GPLD1: variants seen among roughly 807,000 people sequenced by gnomAD.
GPLD1 encodes the protein phosphatidylinositol-glycan-specific phospholipase D.
A neutral mutation model predicts 112.6 loss-of-function variants in GPLD1; 84 were observed. The observed-to-expected ratio is 0.75, with a 90% CI of 0.63 to 0.89. The LOEUF is 0.89. Ranked by LOEUF, GPLD1 falls within the 40% of genes least tolerant of loss-of-function variation. The probability of loss-of-function intolerance (pLI) is 0.00; values close to 1 mark genes in which losing one functional copy is unlikely to be tolerated. For synonymous variants in GPLD1, 386 were observed against 403.8 expected (o/e 0.96, Z 0.53); for missense variants, 1,044 against 1,051.5 (o/e 0.99, Z 0.10).
chr6:24,449,944 C>T lies in GPLD1; in HGVS notation c.1336-45G>A, dbSNP rs111600278. 8,062 of 1,387,130 alleles carry T rather than the reference C, an allele frequency of 5.8e-3. 331 individuals carry two copies. In the African/African-American group the frequency reaches 0.093, roughly 16 times the overall value. The allele number at this position is 1,387,130 out of a possible 1,614,324, so 85.9% of individuals were successfully genotyped here. A position where few individuals can be genotyped will look rare whatever the true frequency, so the allele number is the denominator to read the frequency against. ...CTTCCCCTGGGCTGAGCCACGGCCT[C>T]GGAAAGAGCACTCCTGACCCCCAGG... On this transcript the variant is annotated intron_variant, in intron 14 of 24. Coordinates refer to ENST00000230036, the MANE Select transcript of GPLD1 (RefSeq NM_001503.4).
chr6:24,476,143 G>T, intron 4 of GPLD1, 38 bp downstream of exon 4: 1 of 1,114,634 alleles, frequency 9.0e-7, no homozygotes, highest in Non-Finnish European at 1.3e-6. Flanking sequence ...TGGCAGGTTT[G>T]GTGCTAAATA....
intron 16 of GPLD1, 25 bp downstream of exon 16, chr6:24,448,109 C>T: frequency 6.2e-7 from 1 of 1,610,848 alleles, no homozygotes; most frequent in Non-Finnish European, 8.5e-7. Context: ...TAGGTTTCTG[C>T]ACCTGGCTAA....
At chr6:24,474,169 CCACATACA>C (rs1561852479) in intron 5 of GPLD1, among the ~76,000 whole-genome samples, 3 of 74,164 alleles carry the variant, frequency 4.0e-5, no homozygotes, top group African/African-American at 7.8e-5. Flanking sequence ...AAAACCACAC[CCACATACA>C]CACACACACA....
intron 1 of GPLD1, among the ~76,000 whole-genome samples, chr6:24,486,728 G>C (rs1039428719): frequency 1.3e-5 from 2 of 152,038 alleles, no homozygotes; most frequent in Non-Finnish European, 2.9e-5. Flanking sequence ...TGAGGCAGGG[G>C]AATCACTTGA....
chr6:24,465,726 T>G (rs1177074155), intron 10 of GPLD1, among the ~76,000 whole-genome samples: 2 of 150,626 alleles, frequency 1.3e-5, no homozygotes, highest in East Asian at 1.9e-4. Context: ...GCTGAGTTTC[T>G]GATTAATTCT....
chr6:24,489,263 A>C, intron 1 of GPLD1, 152 bp downstream of exon 1: 1 of 607,864 alleles, frequency 1.6e-6, no homozygotes, highest in Non-Finnish European at 2.9e-6. Flanking sequence ...GGATGACTGC[A>C]ATCACCGGCT....
chr6:24,475,314 T>C, intron 4 of GPLD1, 83 bp from the exon 5 acceptor site: 2 of 786,260 alleles, frequency 2.5e-6, no homozygotes, highest in Non-Finnish European at 4.4e-6. Flanking sequence ...TAAATATAAA[T>C]TCATTTATGT....
chr6:24,460,388 T>C lies in GPLD1; in HGVS notation c.899A>G (p.Gln300Arg). The C allele has an allele frequency of 6.2e-7, 1 of 1,613,856 alleles. No homozygotes were observed. The highest frequency in any genetic ancestry group is 8.5e-7 in the Non-Finnish European group (1 of 1,179,894). Residue 300 changes from glutamine (Q) to arginine (R), a missense_variant, in exon 12 of 25, where the codon CAG (glutamine) becomes CGG (arginine). Gln to Arg is a conservative substitution (Grantham distance 43). Coordinates refer to ENST00000230036, the MANE Select transcript of GPLD1 (RefSeq NM_001503.4). Reference sequence around the variant, plus strand: ...CAAATTTCTGTGAAAATCATTTTTCTGCATTTTTGAGCTGTTGAAGAGAAA... The same window carrying C: ...CAAATTTCTGTGAAAATCATTTTTCCGCATTTTTGAGCTGTTGAAGAGAAA... ...QQNHTQGSKMQKNDFHRNLTT... is the reference protein window; with the variant it reads ...QQNHTQGSKMRKNDFHRNLTT...
In GPLD1 at chr6:24,480,860, C is replaced by T. The variant is rs116298893; in HGVS notation, c.154-901G>A. 2.5e-3 allele frequency among the ~76,000 whole-genome samples: 386 copies of T among 152,310 alleles called. 3 individuals carry two copies. The highest frequency in any genetic ancestry group is 8.5e-3 in the African/African-American group (353 of 41,562). On this transcript the variant is annotated intron_variant, in intron 2 of 24. Coordinates refer to ENST00000230036, the MANE Select transcript of GPLD1 (RefSeq NM_001503.4). ...ACAGTCTGATATGGCCCAGCCTCCA[C>T]CACGGAGCCCTCGGCTAACATGGAA... is the stretch of plus-strand genomic sequence containing the variant.
intron 24 of GPLD1, among the ~76,000 whole-genome samples, 195 bp from the exon 25 acceptor site, chr6:24,429,313 G>T (rs527881073): frequency 1.3e-5 from 2 of 152,172 alleles, no homozygotes; most frequent in African/African-American, 4.8e-5. Flanking sequence ...TCTGAAAACC[G>T]CAGCTAAGGA....
At chr6:24,455,533 G>A (rs1049167973) in intron 13 of GPLD1, among the ~76,000 whole-genome samples, 3 of 152,052 alleles carry the variant, frequency 2.0e-5, no homozygotes, top group African/African-American at 7.2e-5. Context: ...TTGTTGTTTT[G>A]TTTTATTTTT....
chr6:24,476,942 G>A (rs1764038853), intron 3 of GPLD1, among the ~76,000 whole-genome samples: 1 of 151,986 alleles, frequency 6.6e-6, no homozygotes, highest in Non-Finnish European at 1.5e-5. Context: ...AAGCAAAACT[G>A]CCGAGTTCAG....
rs373845669 is a variant in GPLD1 at position 24,479,921 on chromosome 6, G to A, written c.192C>T (p.Ile64=). The change falls in exon 3 of 25, where the codon ATC becomes ATT. Residue 64 remains isoleucine, a synonymous_variant. Transcript: ENST00000230036. ...LEHQDAYQAG[I]VFPDCFYPSI... ...TAGGGTAAAAACAATCAGGAAACAC[G>A]ATTCCAGCCTGATACGCATCCTGGT... 1.3e-5 allele frequency: 21 copies of A among 1,610,982 alleles called. No individual in the cohort carries two copies. The highest frequency in any genetic ancestry group is 1.7e-4 in the Middle Eastern group (1 of 6,056).
At chr6:24,489,618 G>A (rs1764500077), upstream of GPLD1, 14 of 1,527,162 alleles carry the variant, frequency 9.2e-6, no homozygotes, top group Non-Finnish European at 1.2e-5. Context: ...CTCTAAGCAG[G>A]TCACTGACCG....
In GPLD1 at chr6:24,483,293, A is replaced by C. The variant is rs545636044; in HGVS notation, c.153+2782T>G. ...CAGTGAGCTGAGATCATGCCACTGC[A>C]TTCCAGTCTTAAAATATATATATTT... On this transcript the variant is annotated intron_variant, in intron 2 of 24. Coordinates refer to ENST00000230036, the MANE Select transcript of GPLD1 (RefSeq NM_001503.4). Among the ~76,000 whole-genome samples the C allele has an allele frequency of 2.6e-5, 4 of 151,808 alleles. No individual in the cohort carries two copies. In the South Asian group the frequency reaches 6.3e-4, roughly 24 times the overall value.
Position 24,447,744 on chromosome 6 carries a change from G to A in GPLD1, c.1678+133C>T. 3 of 827,558 alleles carry A rather than the reference G, an allele frequency of 3.6e-6. No homozygotes were observed. In the South Asian group the frequency reaches 5.6e-5, roughly 15 times the overall value. The allele number at this position is 827,558 out of a possible 1,614,324, so 51.3% of individuals were successfully genotyped here. ...ACATCACTTGCCAACACATCTTTAA[G>A]AGTAACAGACTGTTAGAAAATGTTG... On this transcript the variant is annotated intron_variant, in intron 17 of 24. Transcript: ENST00000230036.
intron 7 of GPLD1, among the ~76,000 whole-genome samples, chr6:24,470,551 TCTTA>T (rs1207940094): frequency 3.3e-5 from 5 of 152,190 alleles, no homozygotes; most frequent in African/African-American, 1.2e-4. Flanking sequence ...AGTGATGTTA[TCTTA>T]CTTATAACTT....
At chr6:24,460,540 G>C in intron 11 of GPLD1, 141 bp from the exon 12 acceptor site, 1 of 783,966 alleles carries the variant, frequency 1.3e-6, no homozygotes, top group Non-Finnish European at 2.1e-6. Flanking sequence ...GAGCAACACA[G>C]AAAGTTTTAG....
At chr6:24,482,065 T>C (rs1262662035) in intron 2 of GPLD1, among the ~76,000 whole-genome samples, 1 of 151,770 alleles carries the variant, frequency 6.6e-6, no homozygotes, top group Non-Finnish European at 1.5e-5. Flanking sequence ...TAACGAAGGA[T>C]GTATCCTTCA....
Sources: allele counts gnomAD v4.1 joint callset (sites outside exome capture counted in the v4.1 genomes callset), GRCh38; gene constraint gnomAD v4.1.1; transcripts MANE v1.5; gene names NCBI Gene and HGNC (gene_info 2026-07-23, HGNC 2026-07-21).